Variants in TNFSF4 observed in about 807,000 individuals in gnomAD.
TNFSF4 encodes tumor necrosis factor ligand superfamily member 4.
In TNFSF4, 4 loss-of-function variants were observed where a neutral mutation model predicts 7.3. That is an observed-to-expected ratio of 0.55 (90% confidence interval 0.27 to 1.25). TNFSF4 has a LOEUF of 1.25. Among genes scored for constraint, TNFSF4 ranks in the 50% most tolerant of loss-of-function variants. TNFSF4 has a pLI of 0.12. For missense variants in TNFSF4, 181 were observed against 208.8 expected, an observed-to-expected ratio of 0.87 and a Z score of 0.82; for synonymous variants, 76 against 83.7, an observed-to-expected ratio of 0.91 and a Z score of 0.50.
chr1:173,309,019 C>T, the TNFSF4 span, among the ~76,000 whole-genome samples: 2 of 151,960 alleles, frequency 1.3e-5, no homozygotes, highest in African/African-American at 2.4e-5. Context: ...GACTCCATCA[C>T]TCAATGGAGA....
the TNFSF4 span, among the ~76,000 whole-genome samples, chr1:173,264,317 CTTTTTT>C: frequency 9.0e-6 from 1 of 110,536 alleles, no homozygotes; most frequent in Non-Finnish European, 1.7e-5. Flanking sequence ...CTGGCTTCTT[CTTTTTT>C]TTTTTTTTTT....
the TNFSF4 span, among the ~76,000 whole-genome samples, chr1:173,339,618 TATAGTA>T: frequency 6.6e-6 from 1 of 152,174 alleles, no homozygotes; most frequent in Non-Finnish European, 1.5e-5. Flanking sequence ...CAACATAAGA[TATAGTA>T]ACTTTATATC....
At chr1:173,202,131 GC>G (rs1298770055) in intron 1 of TNFSF4, among the ~76,000 whole-genome samples, 1 of 151,732 alleles carries the variant, frequency 6.6e-6, no homozygotes, top group Non-Finnish European at 1.5e-5. Flanking sequence ...AAGGTGGCCA[GC>G]CCCTAAACAA....
the TNFSF4 span, among the ~76,000 whole-genome samples, chr1:173,321,352 TAAAACCC>T: frequency 3.3e-5 from 5 of 152,128 alleles, no homozygotes; most frequent in Non-Finnish European, 5.9e-5. Flanking sequence ...GACTTAAATG[TAAAACCC>T]AAAACCCTAA....
rs752631707 is a variant in TNFSF4 at position 173,184,046 on chromosome 1, A to G, written c.*2470T>C. 6.6e-6 allele frequency: 1 copy of G among 152,232 alleles called. No individual in the cohort carries two copies. The highest frequency in any genetic ancestry group is 1.5e-5 in the Non-Finnish European group (1 of 68,042). 9.4% of individuals were successfully genotyped at this position (152,232 alleles called of 1,614,324 possible). On this transcript the variant is annotated 3_prime_UTR_variant, in exon 3 of 3. Coordinates refer to ENST00000281834, the MANE Select transcript of TNFSF4 (RefSeq NM_003326.5). ...AATACATTCAACATAGTAAAGGAGA[A>G]GGTTACACTCCTTGACTCATAGCAA...
chr1:173,180,947 G>T (rs1649046722), downstream of TNFSF4, among the ~76,000 whole-genome samples: 1 of 152,132 alleles, frequency 6.6e-6, no homozygotes, highest in South Asian at 2.1e-4. Context: ...ACAATGCCTG[G>T]CATAGCATAT....
At chr1:173,307,424 A>T in the TNFSF4 span, among the ~76,000 whole-genome samples, 1 of 151,960 alleles carries the variant, frequency 6.6e-6, no homozygotes, top group African/African-American at 2.4e-5. Flanking sequence ...TGAATGACAA[A>T]GGCTGAGGAA....
At chr1:173,227,322 T>C in the TNFSF4 span, among the ~76,000 whole-genome samples, 1 of 152,220 alleles carries the variant, frequency 6.6e-6, no homozygotes, top group South Asian at 2.1e-4. Context: ...TTTTATATTG[T>C]CAGTGTTTAC....
At chr1:173,375,176 C>A in the TNFSF4 span, among the ~76,000 whole-genome samples, 2 of 152,198 alleles carry the variant, frequency 1.3e-5, no homozygotes, top group African/African-American at 4.8e-5. Context: ...AAATTTGTTT[C>A]CTCCAGAATC....
At chr1:173,436,491 C>T in the TNFSF4 span, among the ~76,000 whole-genome samples, 1 of 152,170 alleles carries the variant, frequency 6.6e-6, no homozygotes. Flanking sequence ...CTCACTGCAA[C>T]CTCTCCCTCC....
At chr1:173,323,103 G>A in the TNFSF4 span, among the ~76,000 whole-genome samples, 2 of 152,284 alleles carry the variant, frequency 1.3e-5, no homozygotes, top group South Asian at 4.1e-4. Flanking sequence ...GTGGGTCCCT[G>A]ACCCCCGAGT....
the TNFSF4 span, among the ~76,000 whole-genome samples, chr1:173,434,441 G>A: frequency 0.076 from 11,556 of 152,188 alleles, 1,502 homozygotes; most frequent in African/African-American, 0.26. Flanking sequence ...GCAATCAGTG[G>A]GTTAACCTTT....
chr1:173,349,816 C>T, the TNFSF4 span, among the ~76,000 whole-genome samples: 5 of 152,116 alleles, frequency 3.3e-5, no homozygotes, highest in East Asian at 3.8e-4. Context: ...AAATTATACA[C>T]ATGTATAAAA....
the TNFSF4 span, among the ~76,000 whole-genome samples, chr1:173,284,731 G>GCTCTATA: frequency 6.6e-6 from 1 of 152,296 alleles, no homozygotes; most frequent in South Asian, 2.1e-4. Flanking sequence ...AACAAAGGCT[G>GCTCTATA]AATGACAGCA....
At chr1:173,267,127 C>A in the TNFSF4 span, among the ~76,000 whole-genome samples, 1 of 151,984 alleles carries the variant, frequency 6.6e-6, no homozygotes, top group Non-Finnish European at 1.5e-5. Context: ...AAATTAAGAT[C>A]GAAAGATGTA....
At chr1:173,227,527 C>T in the TNFSF4 span, among the ~76,000 whole-genome samples, 1 of 152,174 alleles carries the variant, frequency 6.6e-6, no homozygotes, top group Admixed American at 6.5e-5. Flanking sequence ...TCTGCATTTC[C>T]AACTGAGGTA....
At chr1:173,199,031 T>C (rs1006600617) in intron 1 of TNFSF4, among the ~76,000 whole-genome samples, 3 of 152,166 alleles carry the variant, frequency 2.0e-5, no homozygotes, top group Admixed American at 1.3e-4. Context: ...ATCAAGATAC[T>C]AGGTATTAAA....
chr1:173,346,300 T>C, the TNFSF4 span, among the ~76,000 whole-genome samples: 1 of 151,796 alleles, frequency 6.6e-6, no homozygotes, highest in African/African-American at 2.4e-5. Flanking sequence ...GTAGGGAAAA[T>C]ACCTGCATAC....
At chr1:173,285,856 G>T in the TNFSF4 span, among the ~76,000 whole-genome samples, 1 of 152,144 alleles carries the variant, frequency 6.6e-6, no homozygotes, top group African/African-American at 2.4e-5. Context: ...GACTGTCCTT[G>T]TTGCTATAAT....
Sources: allele counts gnomAD v4.1 joint callset (sites outside exome capture counted in the v4.1 genomes callset), GRCh38; gene constraint gnomAD v4.1.1; transcripts MANE v1.5; gene names NCBI Gene and HGNC (gene_info 2026-07-23, HGNC 2026-07-21).